ESF1: variants seen among roughly 807,000 people sequenced by gnomAD.
The protein encoded by ESF1 is ESF1 nucleolar pre-rRNA processing protein.
In ESF1, 58 loss-of-function variants were observed where a neutral mutation model predicts 92.0. That is an observed-to-expected ratio of 0.63 (90% CI 0.51 to 0.78). The LOEUF is 0.78. ESF1 is among the 30% of genes least tolerant of loss of function. The pLI, the probability that ESF1 is intolerant of heterozygous loss-of-function variation, is 0.00. For synonymous variants in ESF1, 321 were observed against 313.7 expected, an observed-to-expected ratio of 1.02 and a Z score of -0.24; for missense variants, 922 against 989.1, an observed-to-expected ratio of 0.93 and a Z score of 0.91.
At chr20:13,752,959 T>C (rs762230646) in intron 9 of ESF1, among the ~76,000 whole-genome samples, 42 of 152,166 alleles carry the variant, frequency 2.8e-4, no homozygotes, top group Non-Finnish European at 6.0e-4. Flanking sequence ...CGTGAGACAG[T>C]AAGGGGCACC....
At chr20:13,759,566 G>C in intron 9 of ESF1, 126 bp downstream of exon 9, 1 of 1,263,600 alleles carries the variant, frequency 7.9e-7, no homozygotes, top group Non-Finnish European at 1.0e-6. Context: ...CATTAAGTTA[G>C]TTAAATGGTG....
intron 9 of ESF1, among the ~76,000 whole-genome samples, chr20:13,754,046 T>C (rs1001329400): frequency 6.6e-6 from 1 of 152,202 alleles, no homozygotes; most frequent in African/African-American, 2.4e-5. Flanking sequence ...TTACGTGTCA[T>C]GGTGCTTGCA....
chr20:13,759,795 A>T lies in ESF1; in HGVS notation c.1725T>A (p.Asp575Glu), dbSNP rs1192609075. 2.5e-6 allele frequency: 4 copies of T among 1,594,946 alleles called. No homozygotes were observed. The South Asian group carries it at 4.6e-5, about 18-fold the overall frequency. ...DGKTKKSQKDDEEQIAKYRQL... is the reference protein window; with the variant it reads ...DGKTKKSQKDEEEQIAKYRQL... ...GCCTGTATTTAGCAATTTGTTCTTC[A>T]TCATCCTTCTGACTTTTCTTTGTTT... The change falls in exon 9 of 14, where the codon GAT becomes GAA. Residue 575 changes from aspartate to glutamate, a missense_variant. Asp to Glu is a conservative substitution (Grantham distance 45). Transcript: ENST00000617257.
intron 7 of ESF1, 129 bp downstream of exon 7, chr20:13,769,776 ACT>A: frequency 1.5e-6 from 1 of 687,090 alleles, no homozygotes; most frequent in Non-Finnish European, 2.5e-6. Context: ...AGAGAGCGAG[ACT>A]CTGTCTCAAG....
At chr20:13,752,798 T>C (rs1333117016) in intron 9 of ESF1, among the ~76,000 whole-genome samples, 1 of 152,082 alleles carries the variant, frequency 6.6e-6, no homozygotes, top group Non-Finnish European at 1.5e-5. Context: ...AAAGAACAGA[T>C]ACCAGAATAA....
In ESF1 at chr20:13,769,984, T is replaced by C. The variant is rs1370526231; in HGVS notation, c.1441A>G (p.Lys481Glu). The C allele has an allele frequency of 6.2e-7, 1 of 1,610,924 alleles. No homozygotes were observed. The highest frequency in any genetic ancestry group is 2.2e-5 in the East Asian group (1 of 44,774). ...AAATTCACTTCTGAGGCTACATCCT[T>C]AGGCTCATCATCAAAAGTAATATCA... ...PDDITFDDEP[K>E]DVASEVNLTA... is the part of the protein sequence containing the mutation. The change falls in exon 7 of 14, where the codon AAG becomes GAG. Residue 481 changes from lysine (K) to glutamate (E), a missense_variant. Coordinates refer to ENST00000617257, the MANE Select transcript of ESF1 (RefSeq NM_001276380.2).
intron 13 of ESF1, among the ~76,000 whole-genome samples, chr20:13,716,808 T>G (rs1200334048): frequency 1.0e-4 from 1 of 9,664 alleles, no homozygotes; most frequent in African/African-American, 2.7e-4. Flanking sequence ...ACCTGGATTT[T>G]TTTTTTTTTT....
intron 9 of ESF1, among the ~76,000 whole-genome samples, chr20:13,756,420 G>A (rs938980448): frequency 4.6e-5 from 7 of 152,090 alleles, no homozygotes; most frequent in Admixed American, 1.3e-4. Flanking sequence ...CAATGTTGAC[G>A]ATAATTCCGT....
At chr20:13,724,036 G>A (rs571786506) in intron 11 of ESF1, among the ~76,000 whole-genome samples, 4 of 152,332 alleles carry the variant, frequency 2.6e-5, no homozygotes. Flanking sequence ...GCTCACGCCT[G>A]TAATCCCAGC....
In ESF1 at chr20:13,749,124, G is replaced by A. The variant is rs774052995; in HGVS notation, c.1828+10568C>T. On this transcript the variant is annotated intron_variant, in intron 9 of 13. Coordinates refer to ENST00000617257, the MANE Select transcript of ESF1 (RefSeq NM_001276380.2). ...TCTGTTGCCCAGGTTGGAGTGCAACGGCATGATCTCAGCTCACTGCAACCT... is the reference window on the plus strand; with the variant it reads ...TCTGTTGCCCAGGTTGGAGTGCAACAGCATGATCTCAGCTCACTGCAACCT... 5.3e-5 allele frequency among the ~76,000 whole-genome samples: 8 copies of A among 151,390 alleles called. No individual in the cohort carries two copies. In the South Asian group the frequency reaches 1.0e-3, roughly 20 times the overall value.
chr20:13,755,063 T>C (rs918968872), intron 9 of ESF1, among the ~76,000 whole-genome samples: 2 of 152,250 alleles, frequency 1.3e-5, no homozygotes, highest in Non-Finnish European at 2.9e-5. Context: ...ATCTGTTTAG[T>C]TTCTCCTTCA....
intron 2 of ESF1, among the ~76,000 whole-genome samples, chr20:13,780,960 C>A (rs1980157627): frequency 6.6e-6 from 1 of 152,146 alleles, no homozygotes; most frequent in African/African-American, 2.4e-5. Flanking sequence ...TCTGAACATG[C>A]CCAATCACAT....
chr20:13,723,569 T>C (rs749779073), intron 11 of ESF1, among the ~76,000 whole-genome samples: 1 of 142,576 alleles, frequency 7.0e-6, no homozygotes, highest in African/African-American at 2.5e-5. Context: ...AAGAAAAAAT[T>C]ATAAAAGATA....
chr20:13,725,731 G>A (rs368741090), intron 11 of ESF1, among the ~76,000 whole-genome samples: 3 of 152,024 alleles, frequency 2.0e-5, no homozygotes, highest in Non-Finnish European at 2.9e-5. Context: ...CTCTCTACTC[G>A]CACTGCCATG....
intron 8 of ESF1, among the ~76,000 whole-genome samples, chr20:13,764,928 A>C (rs1979364472): frequency 6.6e-6 from 1 of 151,912 alleles, no homozygotes. Context: ...AAAAAAAAAA[A>C]AACAAAAACA....
At chr20:13,732,344 A>G (rs1169692628) in intron 10 of ESF1, among the ~76,000 whole-genome samples, 1 of 152,206 alleles carries the variant, frequency 6.6e-6, no homozygotes, top group Non-Finnish European at 1.5e-5. Flanking sequence ...ACAAAGTCAG[A>G]AAGAGTTTTT....
chr20:13,729,669 A>G (rs2049928647), intron 10 of ESF1, among the ~76,000 whole-genome samples: 1 of 152,196 alleles, frequency 6.6e-6, no homozygotes, highest in Admixed American at 6.5e-5. Flanking sequence ...TTATTATGAA[A>G]ATCTAAAACA....
chr20:13,731,747 T>C (rs115482844), intron 10 of ESF1, among the ~76,000 whole-genome samples: 1,785 of 152,272 alleles, frequency 0.012, 42 homozygotes, highest in African/African-American at 0.041. Context: ...AGGACTGTAC[T>C]CTTCCCTCAC....
chr20:13,726,364 C>T (rs532376427), intron 11 of ESF1, among the ~76,000 whole-genome samples: 1 of 152,302 alleles, frequency 6.6e-6, no homozygotes, highest in African/African-American at 2.4e-5. Context: ...TCCAGCCACA[C>T]TGATGTCTTT....
Sources: allele counts gnomAD v4.1 joint callset (sites outside exome capture counted in the v4.1 genomes callset), GRCh38; gene constraint gnomAD v4.1.1; transcripts MANE v1.5; gene names NCBI Gene and HGNC (gene_info 2026-07-23, HGNC 2026-07-21).